The following CCNH variants were observed in gnomAD, a reference collection of about 807,000 sequenced individuals.
The protein encoded by CCNH is cyclin H.
Under a neutral mutation model 41.9 loss-of-function variants are expected in CCNH, and 31 were observed. That is an observed-to-expected ratio of 0.74 (90% CI 0.56 to 1.00). CCNH has a LOEUF of 1.00. Among genes scored for constraint, CCNH ranks in the 50% least tolerant of loss-of-function variants. The probability of loss-of-function intolerance (pLI) is 0.00; values close to 1 mark genes in which losing one functional copy is unlikely to be tolerated. For missense variants in CCNH, 362 were observed against 388.4 expected, an observed-to-expected ratio of 0.93 and a Z score of 0.57; for synonymous variants, 138 against 136.1, an observed-to-expected ratio of 1.01 and a Z score of -0.10.
chr5:87,412,559 C>T, intron 1 of CCNH, 119 bp downstream of exon 1: 2 of 1,476,432 alleles, frequency 1.4e-6, no homozygotes, highest in East Asian at 2.4e-5. Flanking sequence ...GAAAAACGCA[C>T]TCCGCGCCGC....
At chr5:87,334,235 G>A (rs1442353800) in intron 9 of CCNH, among the ~76,000 whole-genome samples, 1 of 152,168 alleles carries the variant, frequency 6.6e-6, no homozygotes, top group Non-Finnish European at 1.5e-5. Context: ...AGAACCAGGG[G>A]AGCCTATGGT....
At chr5:87,361,529 T>A (rs1189192290) in intron 9 of CCNH, among the ~76,000 whole-genome samples, 1 of 152,148 alleles carries the variant, frequency 6.6e-6, no homozygotes, top group Non-Finnish European at 1.5e-5. Flanking sequence ...TAGTAAGAAC[T>A]ACTCAAAAAG....
intron 9 of CCNH, among the ~76,000 whole-genome samples, chr5:87,325,510 G>A (rs1371094889): frequency 6.6e-6 from 1 of 152,220 alleles, no homozygotes; most frequent in Non-Finnish European, 1.5e-5. Context: ...TTTGAGGCTT[G>A]TAGAATAACT....
chr5:87,392,645 T>C (rs141657661), downstream of CCNH: 498 of 200,064 alleles, frequency 2.5e-3, 5 homozygotes, highest in African/African-American at 0.011. Flanking sequence ...TTAGCCATAC[T>C]AACCTGTCAT....
chr5:87,319,381 G>C lies in CCNH; in HGVS notation c.*91-484C>G, dbSNP rs151324547. On this transcript the variant is annotated intron_variant and NMD_transcript_variant, in intron 9 of 9. Coordinates refer to the CCNH transcript ENST00000645953. ...GTAGAGGGTCTCCATGAGGACTCTG[G>C]CCCTGTAGCGGAGTCCTGCCTGGAC... is the stretch of plus-strand genomic sequence containing the variant. Among the ~76,000 whole-genome samples the C allele has an allele frequency of 4.3e-3, 657 of 152,300 alleles. 6 individuals carry two copies. The highest frequency in any genetic ancestry group is 8.1e-3 in the East Asian group (42 of 5,188).
At chr5:87,366,688 A>G (rs1308536206) in intron 9 of CCNH, among the ~76,000 whole-genome samples, 1 of 152,202 alleles carries the variant, frequency 6.6e-6, no homozygotes, top group African/African-American at 2.4e-5. Context: ...CTAGTATGAA[A>G]AAGTTATGTT....
At chr5:87,324,141 C>T (rs995632836) in intron 9 of CCNH, among the ~76,000 whole-genome samples, 15 of 152,178 alleles carry the variant, frequency 9.9e-5, no homozygotes, top group Admixed American at 9.8e-4. Flanking sequence ...TGGTATGATA[C>T]TATAATTGTT....
At chr5:87,338,501 T>TTA (rs3069490) in intron 9 of CCNH, among the ~76,000 whole-genome samples, 1,422 of 75,588 alleles carry the variant, frequency 0.019, 27 homozygotes, top group East Asian at 0.047. Flanking sequence ...CCAGCTAATT[T>TTA]TATATATATA....
intron 9 of CCNH, chr5:87,366,278 A>G (rs956071683): frequency 7.7e-5 from 25 of 323,310 alleles, no homozygotes; most frequent in Non-Finnish European, 1.3e-4. Flanking sequence ...AGGAAGTATT[A>G]AGATGAATAT....
chr5:87,353,542 G>T (rs900956239), intron 9 of CCNH, among the ~76,000 whole-genome samples: 2 of 151,946 alleles, frequency 1.3e-5, no homozygotes, highest in African/African-American at 4.8e-5. Context: ...ACCACAGCCA[G>T]GATTATTAAA....
chr5:87,335,874 T>C (rs1385022549), intron 9 of CCNH, among the ~76,000 whole-genome samples: 2 of 152,208 alleles, frequency 1.3e-5, no homozygotes, highest in Non-Finnish European at 1.5e-5. Context: ...GATAGACCAA[T>C]AGATGTTATT....
chr5:87,317,634 C>CTT (rs112587674), downstream of CCNH, among the ~76,000 whole-genome samples: 14 of 143,812 alleles, frequency 9.7e-5, no homozygotes, highest in Admixed American at 1.4e-4. Context: ...TTCTCATGCT[C>CTT]TTTTTTTTTT....
intron 9 of CCNH, chr5:87,385,164 A>G: frequency 1.5e-6 from 1 of 687,126 alleles, no homozygotes; most frequent in South Asian, 1.7e-5. Flanking sequence ...ACATTTTTCC[A>G]AAAACATTCT....
intron 9 of CCNH, among the ~76,000 whole-genome samples, chr5:87,336,653 G>A (rs943336070): frequency 6.6e-6 from 1 of 152,034 alleles, no homozygotes; most frequent in Non-Finnish European, 1.5e-5. Flanking sequence ...CAACAACAAT[G>A]AAACTTGAAA....
chr5:87,375,036 G>A (rs948275281), downstream of CCNH: 14 of 1,310,304 alleles, frequency 1.1e-5, no homozygotes, highest in African/African-American at 2.1e-4. Flanking sequence ...TATAATTTGA[G>A]ATAGTTTCTT....
chr5:87,367,311 A>G (rs1262408220), intron 9 of CCNH, among the ~76,000 whole-genome samples: 1 of 152,192 alleles, frequency 6.6e-6, no homozygotes, highest in East Asian at 1.9e-4. Context: ...ATGAATGTTA[A>G]TATCTTTTTC....
intron 1 of CCNH, chr5:87,412,411 G>C (rs146153935): frequency 2.5e-6 from 3 of 1,224,430 alleles, no homozygotes. Flanking sequence ...CTCTTGCCAC[G>C]CACTACCTTA....
chr5:87,364,511 T>A (rs1310253652), intron 9 of CCNH, among the ~76,000 whole-genome samples: 1 of 152,170 alleles, frequency 6.6e-6, no homozygotes, highest in East Asian at 1.9e-4. Context: ...AGATACCCTT[T>A]TTTTTCCCCT....
At chr5:87,359,488 T>C (rs1238120974) in intron 9 of CCNH, among the ~76,000 whole-genome samples, 1 of 152,186 alleles carries the variant, frequency 6.6e-6, no homozygotes, top group East Asian at 1.9e-4. Flanking sequence ...CACTTTAATA[T>C]GATTTTTAAA....
Sources: allele counts gnomAD v4.1 joint callset (sites outside exome capture counted in the v4.1 genomes callset), GRCh38; gene constraint gnomAD v4.1.1; transcripts MANE v1.5; gene names NCBI Gene and HGNC (gene_info 2026-07-23, HGNC 2026-07-21).